Variants in SDK1 observed in about 807,000 individuals in gnomAD.
SDK1 encodes the protein protein sidekick-1.
A neutral mutation model predicts 245.5 loss-of-function variants in SDK1; 157 were observed. The ratio of observed to expected loss-of-function variants is 0.64; its 90% CI spans 0.56 to 0.73. The LOEUF (loss-of-function observed/expected upper bound fraction) is 0.73, where lower values mean the gene tolerates loss of function less well. SDK1 is among the 30% of genes least tolerant of loss of function. The probability of loss-of-function intolerance (pLI) is 0.00; values close to 1 mark genes in which losing one functional copy is unlikely to be tolerated. For synonymous variants in SDK1, 1,647 were observed against 1,278.5 expected (o/e 1.29, Z -6.15); for missense variants, 3,583 against 3,002.3 (o/e 1.19, Z -4.52).
At chr7:3,847,861 T>A (rs1199128948) in intron 5 of SDK1, among the ~76,000 whole-genome samples, 3 of 152,236 alleles carry the variant, frequency 2.0e-5, no homozygotes, top group African/African-American at 7.2e-5. Context: ...GGAAAACATT[T>A]TCTTTGACAG....
chr7:3,384,190 T>A (rs1267484290), intron 1 of SDK1, among the ~76,000 whole-genome samples: 2 of 152,070 alleles, frequency 1.3e-5, no homozygotes, highest in East Asian at 3.8e-4. Context: ...ATTTTATCTT[T>A]AAATGCCAAC....
intron 2 of SDK1, among the ~76,000 whole-genome samples, chr7:3,631,559 C>G (rs934712668): frequency 6.6e-6 from 1 of 152,178 alleles, no homozygotes; most frequent in African/African-American, 2.4e-5. Flanking sequence ...AATTTAGATC[C>G]ATAATATTAA....
intron 33 of SDK1, among the ~76,000 whole-genome samples, chr7:4,175,018 A>G (rs1325805976): frequency 6.6e-6 from 1 of 152,176 alleles, no homozygotes; most frequent in Non-Finnish European, 1.5e-5. Flanking sequence ...GCAGCTCCAG[A>G]ACACGCCGTG....
intron 4 of SDK1, among the ~76,000 whole-genome samples, chr7:3,706,426 G>T (rs766734107): frequency 1.2e-4 from 18 of 152,040 alleles, no homozygotes; most frequent in Admixed American, 2.0e-4. Context: ...CTTTTTTATG[G>T]AGTCTTGCTC....
chr7:3,323,268 T>G (rs1779862517), intron 1 of SDK1, among the ~76,000 whole-genome samples: 1 of 152,204 alleles, frequency 6.6e-6, no homozygotes, highest in Non-Finnish European at 1.5e-5. Flanking sequence ...ATTCCCTGCA[T>G]CCGGCACAGT....
chr7:4,148,082 C>T (rs1303451493), intron 29 of SDK1, among the ~76,000 whole-genome samples: 1 of 152,060 alleles, frequency 6.6e-6, no homozygotes, highest in Non-Finnish European at 1.5e-5. Context: ...AGAGGGAATC[C>T]AAGAGACTTG....
intron 4 of SDK1, among the ~76,000 whole-genome samples, chr7:3,654,258 C>T (rs1366913461): frequency 2.0e-5 from 3 of 152,134 alleles, no homozygotes; most frequent in African/African-American, 7.2e-5. Flanking sequence ...TGGGGCACAG[C>T]GGGAGTCCCC....
At chr7:4,212,022 G>A (rs1358072114) in intron 38 of SDK1, among the ~76,000 whole-genome samples, 1 of 152,220 alleles carries the variant, frequency 6.6e-6, no homozygotes, top group Non-Finnish European at 1.5e-5. Context: ...CCACACTGGG[G>A]TGAAATACAA....
chr7:3,996,535 G>A (rs1014797262), intron 14 of SDK1, among the ~76,000 whole-genome samples: 6 of 152,138 alleles, frequency 3.9e-5, no homozygotes, highest in Non-Finnish European at 7.4e-5. Flanking sequence ...GTTTAGTGAG[G>A]TTTGCAAGTT....
chr7:3,586,818 G>A (rs1309182267), intron 1 of SDK1, among the ~76,000 whole-genome samples: 1 of 152,202 alleles, frequency 6.6e-6, no homozygotes, highest in Non-Finnish European at 1.5e-5. Flanking sequence ...TATGTTTTGG[G>A]GGCAAGGGGA....
chr7:4,082,334 G>A (rs1046522497), intron 22 of SDK1, among the ~76,000 whole-genome samples: 3 of 152,012 alleles, frequency 2.0e-5, no homozygotes, highest in South Asian at 4.1e-4. Flanking sequence ...TTGGGAGTTC[G>A]AGGCCAGCCT....
intron 1 of SDK1, among the ~76,000 whole-genome samples, chr7:3,330,670 T>C (rs1347102925): frequency 2.0e-5 from 3 of 152,094 alleles, no homozygotes; most frequent in Admixed American, 6.6e-5. Flanking sequence ...TCAACTTTTC[T>C]TTATGAATTA....
chr7:4,043,418 G>A (rs1035179873), intron 17 of SDK1, among the ~76,000 whole-genome samples: 10 of 151,542 alleles, frequency 6.6e-5, no homozygotes, highest in Non-Finnish European at 1.3e-4. Flanking sequence ...ACAGCCAGGG[G>A]CTCAGGTAGA....
At chr7:3,582,073 G>T (rs1406524255) in intron 1 of SDK1, among the ~76,000 whole-genome samples, 1 of 145,992 alleles carries the variant, frequency 6.8e-6, no homozygotes, top group Non-Finnish European at 1.5e-5. Flanking sequence ...GTCTCAGGTA[G>T]GTCTCCCTCA....
intron 2 of SDK1, among the ~76,000 whole-genome samples, chr7:3,625,896 A>C (rs1782100850): frequency 6.6e-6 from 1 of 151,790 alleles, no homozygotes. Flanking sequence ...GCAGCAGCTC[A>C]AGTAAAAGGT....
chr7:4,030,410 C>G (rs895173263), intron 17 of SDK1, among the ~76,000 whole-genome samples: 1 of 152,200 alleles, frequency 6.6e-6, no homozygotes, highest in East Asian at 1.9e-4. Flanking sequence ...GATGTACACC[C>G]TGCACGAGTT....
At chr7:4,066,483 A>G (rs950534196) in intron 19 of SDK1, among the ~76,000 whole-genome samples, 4 of 152,066 alleles carry the variant, frequency 2.6e-5, no homozygotes, top group Non-Finnish European at 5.9e-5. Flanking sequence ...AAGCGTTTCC[A>G]TTTCCACCTG....
chr7:3,596,253 A>G (rs1422185885), intron 1 of SDK1, among the ~76,000 whole-genome samples: 1 of 152,154 alleles, frequency 6.6e-6, no homozygotes, highest in Non-Finnish European at 1.5e-5. Context: ...CATGAGAGTT[A>G]AACAGTAATA....
chr7:3,495,175 A>G (rs1032219853), intron 1 of SDK1, among the ~76,000 whole-genome samples: 1 of 150,844 alleles, frequency 6.6e-6, no homozygotes, highest in African/African-American at 2.4e-5. Context: ...CCTCCTGATC[A>G]TGCATTGTCA....
Sources: allele counts gnomAD v4.1 joint callset (sites outside exome capture counted in the v4.1 genomes callset), GRCh38; gene constraint gnomAD v4.1.1; transcripts MANE v1.5; gene names NCBI Gene and HGNC (gene_info 2026-07-23, HGNC 2026-07-21).